HHLA1: variants seen among roughly 807,000 people sequenced by gnomAD.
HHLA1 encodes HERV-H LTR-associating protein 1.
HHLA1 carries 72 observed loss-of-function variants against 69.9 expected under a neutral mutation model. The ratio of observed to expected loss-of-function variants is 1.03; its 90% CI spans 0.85 to 1.25. The LOEUF is 1.25. Ranked by LOEUF, HHLA1 falls within the 50% of genes most tolerant of loss-of-function variation. HHLA1 has a pLI of 0.00. For missense variants in HHLA1, 685 were observed against 642.2 expected (o/e 1.07, Z -0.72); for synonymous variants, 252 against 233.2 (o/e 1.08, Z -0.73).
At chr8:132,091,937 C>T (rs892532944) in intron 7 of HHLA1, among the ~76,000 whole-genome samples, 1 of 152,170 alleles carries the variant, frequency 6.6e-6, no homozygotes, top group African/African-American at 2.4e-5. Context: ...TGATTTTACA[C>T]AGGTGTTCAT....
At chr8:132,102,043 G>A (rs987603603) in intron 3 of HHLA1, among the ~76,000 whole-genome samples, 16 of 152,104 alleles carry the variant, frequency 1.1e-4, no homozygotes, top group Admixed American at 9.8e-4. Context: ...TCTATTCTCT[G>A]CTTCTGTGAG....
rs922313859 is a variant in HHLA1, at chr8:132,077,132, C to T, written c.1172-589G>A. Among the ~76,000 whole-genome samples, 10 of 152,002 alleles carry T rather than the reference C, an allele frequency of 6.6e-5. No individual in the cohort carries two copies. In the East Asian group the frequency reaches 7.7e-4, roughly 12 times the overall value. On this transcript the variant is annotated intron_variant, in intron 12 of 16. Transcript: ENST00000414222. The stretch of plus-strand genomic sequence containing the variant: ...GAGAGAAGCTCAAGCAGGCAAGTTC[C>T]GTCATATGGATAAGTGGAAGGAAAG...
chr8:132,079,333 C>T (rs564227644), intron 11 of HHLA1, among the ~76,000 whole-genome samples: 42 of 152,322 alleles, frequency 2.8e-4, no homozygotes, highest in African/African-American at 9.4e-4. Context: ...GGAGCGATAT[C>T]GCTAAATGCT....
intron 5 of HHLA1, among the ~76,000 whole-genome samples, chr8:132,096,274 G>A (rs1273807985): frequency 6.6e-6 from 1 of 152,156 alleles, no homozygotes; most frequent in Non-Finnish European, 1.5e-5. Flanking sequence ...TCATCACATG[G>A]TCTTTTCTTC....
At position 132,062,841 on chromosome 8, in the gene HHLA1, G is replaced by A. The variant is rs1375288119; in HGVS notation, c.*1154C>T. ...ATCTGGTCCTTGACCAGCTCCTGGG[G>A]AATCCCCTGTAAATCCTTGGAATAT... On this transcript the variant is annotated 3_prime_UTR_variant, in exon 17 of 17. Transcript: ENST00000414222. 1 of 152,226 alleles carries A rather than the reference G, an allele frequency of 6.6e-6. No homozygotes were observed. Among genetic ancestry groups the A allele is most frequent in the Non-Finnish European group, 1.5e-5 (1 of 68,064 alleles). 9.4% of individuals were successfully genotyped at this position (152,226 alleles called of 1,614,324 possible). A position where few individuals can be genotyped will look rare whatever the true frequency, so the allele number is the denominator to read the frequency against.
In HHLA1 at chr8:132,099,869, T is replaced by A. The variant is rs1362050171; in HGVS notation, c.199+206A>T. Among the ~76,000 whole-genome samples, 4 of 151,884 alleles carry A rather than the reference T, an allele frequency of 2.6e-5. No individual in the cohort carries two copies. In the East Asian group the frequency reaches 7.7e-4, roughly 29 times the overall value. On this transcript the variant is annotated intron_variant, in intron 4 of 16. Transcript: ENST00000414222. ...AACTCCATCTAAAAAAAAAAAAAGA[T>A]TTGGAAACAACAGTTGACAAGATGG... is the stretch of plus-strand genomic sequence containing the variant.
rs1236582421 is a variant in HHLA1, at chr8:132,111,101, C to T, written c.-22+1G>A. 6.6e-6 allele frequency: 1 copy of T among 151,912 alleles called. No individual in the cohort carries two copies. The highest frequency in any genetic ancestry group is 2.1e-4 in the South Asian group (1 of 4,814). 9.4% of individuals were successfully genotyped at this position (151,912 alleles called of 1,614,324 possible). ...TAAAATACCTACCATATACTACTTACCTATCTTCTGAGCAGGATAAATTGA... is the reference window on the plus strand; with the variant it reads ...TAAAATACCTACCATATACTACTTATCTATCTTCTGAGCAGGATAAATTGA... On this transcript the variant is annotated splice_donor_variant, in intron 1 of 16. Transcript: ENST00000414222. LOFTEE classifies it low-confidence loss of function (5UTR_SPLICE).
intron 15 of HHLA1, among the ~76,000 whole-genome samples, chr8:132,069,367 T>G (rs1823492311): frequency 6.6e-6 from 1 of 152,190 alleles, no homozygotes; most frequent in Non-Finnish European, 1.5e-5. Flanking sequence ...TTTTTTTGTT[T>G]GTTTGTTTGT....
intron 11 of HHLA1, among the ~76,000 whole-genome samples, chr8:132,079,161 A>C (rs1823696041): frequency 6.6e-6 from 1 of 152,224 alleles, no homozygotes; most frequent in African/African-American, 2.4e-5. Context: ...CATGTACGCA[A>C]GATGCTGGGG....
intron 7 of HHLA1, among the ~76,000 whole-genome samples, chr8:132,093,385 AG>A (rs960014927): frequency 6.6e-5 from 10 of 152,342 alleles, no homozygotes; most frequent in South Asian, 2.1e-4. Flanking sequence ...AAGAAAAAAA[AG>A]GGAAAATATG....
chr8:132,081,010 T>G (rs1823743556), intron 10 of HHLA1: 1 of 152,138 alleles, frequency 6.6e-6, no homozygotes, highest in East Asian at 1.9e-4. Context: ...GGACTAAGAA[T>G]TGGGAGGACC....
At chr8:132,081,484 T>A (rs980774043) in intron 10 of HHLA1, among the ~76,000 whole-genome samples, 1 of 152,204 alleles carries the variant, frequency 6.6e-6, no homozygotes, top group Non-Finnish European at 1.5e-5. Context: ...CGGAGGACCG[T>A]AAGGGATATA....
chr8:132,110,865 C>G (rs532701003), intron 1 of HHLA1, among the ~76,000 whole-genome samples: 2 of 152,114 alleles, frequency 1.3e-5, no homozygotes, highest in Non-Finnish European at 2.9e-5. Flanking sequence ...CCTTAAGATT[C>G]TAATCAATAG....
intron 14 of HHLA1, among the ~76,000 whole-genome samples, chr8:132,075,642 T>G (rs566819562): frequency 2.6e-5 from 4 of 152,216 alleles, no homozygotes; most frequent in Non-Finnish European, 4.4e-5. Flanking sequence ...CCTCCTTCAC[T>G]GCCAACAACC....
At chr8:132,087,190 C>T (rs1823877721) in intron 10 of HHLA1, among the ~76,000 whole-genome samples, 1 of 152,118 alleles carries the variant, frequency 6.6e-6, no homozygotes. Context: ...GAAGGAGTTC[C>T]AGATGGAGAC....
intron 1 of HHLA1, among the ~76,000 whole-genome samples, chr8:132,105,670 C>A (rs1824192491): frequency 6.6e-6 from 1 of 152,146 alleles, no homozygotes; most frequent in South Asian, 2.1e-4. Context: ...AGTGCTTTGG[C>A]AGGAAGCAAC....
At chr8:132,081,359 G>A (rs1182399956) in intron 10 of HHLA1, among the ~76,000 whole-genome samples, 1 of 152,152 alleles carries the variant, frequency 6.6e-6, no homozygotes, top group Non-Finnish European at 1.5e-5. Context: ...GGACAGGCCT[G>A]AATTCTGAGA....
intron 7 of HHLA1, among the ~76,000 whole-genome samples, chr8:132,093,688 A>C (rs17650573): frequency 0.32 from 49,243 of 152,084 alleles, 8,436 homozygotes; most frequent in Middle Eastern, 0.41. Flanking sequence ...GATTTGACTC[A>C]TGAAATAAAA....
chr8:132,083,089 G>T (rs1382299904), intron 10 of HHLA1, among the ~76,000 whole-genome samples: 1 of 151,254 alleles, frequency 6.6e-6, no homozygotes, highest in African/African-American at 2.4e-5. Flanking sequence ...GTTAAGGTGG[G>T]GGGGATACAA....
Sources: gnomAD v4.1 joint callset for allele counts (sites outside exome capture counted in the v4.1 genomes callset) on GRCh38, gnomAD v4.1.1 for gene constraint, MANE v1.5 for transcripts, NCBI Gene and HGNC (gene_info 2026-07-23, HGNC 2026-07-21) for gene names.